The following LIPC variants were observed in gnomAD, a reference collection of about 807,000 sequenced individuals.
The protein encoded by LIPC is lipase C, hepatic type.
Under a neutral mutation model 50.7 loss-of-function variants are expected in LIPC, and 44 were observed. The observed-to-expected ratio is 0.87, with a 90% CI of 0.68 to 1.11. The LOEUF (loss-of-function observed/expected upper bound fraction) is 1.11. LIPC is among the 50% of genes most tolerant of loss of function. The probability of loss-of-function intolerance (pLI) is 0.00; values close to 1 mark genes in which losing one functional copy is unlikely to be tolerated. For missense variants in LIPC, 697 were observed against 648.2 expected (o/e 1.08, Z -0.82); for synonymous variants, 271 against 256.4 (o/e 1.06, Z -0.54).
intron 2 of LIPC, among the ~76,000 whole-genome samples, chr15:58,539,005 C>T (rs1457182492): frequency 1.3e-5 from 2 of 152,140 alleles, no homozygotes; most frequent in Non-Finnish European, 2.9e-5. Context: ...TATATGTAAC[C>T]CAAAAACCGG....
intron 8 of LIPC, among the ~76,000 whole-genome samples, chr15:58,567,796 TGTAA>T (rs1894441976): frequency 6.6e-6 from 1 of 152,146 alleles, no homozygotes; most frequent in Admixed American, 6.5e-5. Context: ...ACTCAATATA[TGTAA>T]ATGCATAGGA....
chr15:58,455,050 A>G (rs1894059015), intron 1 of LIPC: 1 of 152,244 alleles, frequency 6.6e-6, no homozygotes, highest in South Asian at 2.1e-4. Context: ...ATTCAATGAT[A>G]CACCAAAGTG....
intron 1 of LIPC, among the ~76,000 whole-genome samples, chr15:58,457,317 T>C (rs182175192): frequency 1.3e-5 from 2 of 152,268 alleles, no homozygotes; most frequent in East Asian, 3.9e-4. Flanking sequence ...TCCACTTTGG[T>C]CATGCTGGTC....
At chr15:58,530,237 C>T (rs1892916707) in intron 1 of LIPC, among the ~76,000 whole-genome samples, 1 of 152,236 alleles carries the variant, frequency 6.6e-6, no homozygotes, top group Non-Finnish European at 1.5e-5. Flanking sequence ...AACCCTTGGC[C>T]ATCTCCGGCC....
At chr15:58,478,614 G>A (rs1056614000) in intron 1 of LIPC, among the ~76,000 whole-genome samples, 2 of 152,146 alleles carry the variant, frequency 1.3e-5, no homozygotes, top group Non-Finnish European at 2.9e-5. Context: ...TTTCATAGAG[G>A]AGGTAATTAG....
Position 58,563,548 on chromosome 15 carries a change from A to G in LIPC, c.1213A>G (p.Thr405Ala). The G allele has an allele frequency of 6.2e-7, 1 of 1,614,212 alleles. No individual in the cohort carries two copies. The highest frequency in any genetic ancestry group is 1.7e-5 in the Admixed American group (1 of 60,028). Residue 405 changes from threonine to alanine, a missense_variant, in exon 8 of 9, where the codon ACG becomes GCG. Physicochemically the swap from Thr to Ala is moderately conservative, Grantham distance 58 (BLOSUM62 0). Coordinates refer to ENST00000299022, the MANE Select transcript of LIPC (RefSeq NM_000236.3). ...TAATAAAACGTATTCCTTTCTTATC[A>G]CGCTGGATGTGGATATCGGCGAGCT... The part of the protein sequence containing the change: ...ASNKTYSFLI[T>A]LDVDIGELIM...
At chr15:58,505,072 T>C (rs1892102334) in intron 1 of LIPC, among the ~76,000 whole-genome samples, 2 of 152,242 alleles carry the variant, frequency 1.3e-5, no homozygotes, top group Admixed American at 6.5e-5. Context: ...TCCCTTATGC[T>C]AGACAGCACA....
At chr15:58,485,206 C>T (rs111722517) in intron 1 of LIPC, among the ~76,000 whole-genome samples, 4 of 152,006 alleles carry the variant, frequency 2.6e-5, no homozygotes, top group Non-Finnish European at 5.9e-5. Context: ...AGGGAGACCC[C>T]GGGGGAGGCA....
intron 2 of LIPC, among the ~76,000 whole-genome samples, chr15:58,541,517 T>C (rs1198962962): frequency 6.6e-6 from 1 of 151,908 alleles, no homozygotes; most frequent in Non-Finnish European, 1.5e-5. Flanking sequence ...TGGAAAAATC[T>C]GGAGACATTT....
chr15:58,455,307 A>G (rs892615727), intron 1 of LIPC, among the ~76,000 whole-genome samples: 1 of 152,246 alleles, frequency 6.6e-6, no homozygotes, highest in Non-Finnish European at 1.5e-5. Flanking sequence ...GCACAAAAGC[A>G]GCCACAGACA....
intron 5 of LIPC, among the ~76,000 whole-genome samples, chr15:58,547,521 G>A (rs1452518755): frequency 1.3e-5 from 2 of 152,042 alleles, no homozygotes; most frequent in Non-Finnish European, 2.9e-5. Flanking sequence ...ATAGCTTTTG[G>A]CAAAGTCACC....
At chr15:58,518,390 A>C (rs1207113635) in intron 1 of LIPC, among the ~76,000 whole-genome samples, 1 of 152,208 alleles carries the variant, frequency 6.6e-6, no homozygotes, top group Non-Finnish European at 1.5e-5. Flanking sequence ...AACAAAATCA[A>C]AAGAGGAACT....
chr15:58,473,606 C>A (rs1235419209), intron 1 of LIPC: 10 of 152,238 alleles, frequency 6.6e-5, no homozygotes, highest in African/African-American at 2.4e-4. Context: ...TCGGCTGGTT[C>A]AGCTATAGAT....
At chr15:58,567,194 C>G (rs1894392096) in intron 8 of LIPC, among the ~76,000 whole-genome samples, 1 of 120,224 alleles carries the variant, frequency 8.3e-6, no homozygotes, top group South Asian at 2.5e-4. Flanking sequence ...GAGCGAGACT[C>G]CGTCTCAAAA....
chr15:58,559,715 A>AAC (rs5812945), intron 6 of LIPC, among the ~76,000 whole-genome samples: 59,882 of 144,688 alleles, frequency 0.41, 12,971 homozygotes, highest in Middle Eastern at 0.5. Flanking sequence ...AAAAAAAAAA[A>AAC]AAAAAAAAAA....
chr15:58,551,197 G>C (rs547220770), intron 6 of LIPC, among the ~76,000 whole-genome samples: 1 of 152,026 alleles, frequency 6.6e-6, no homozygotes, highest in South Asian at 2.1e-4. Flanking sequence ...AGCCCCTCCA[G>C]TGAGCAAAGT....
At chr15:58,540,264 T>C (rs1893275696) in intron 2 of LIPC, among the ~76,000 whole-genome samples, 1 of 152,240 alleles carries the variant, frequency 6.6e-6, no homozygotes, top group South Asian at 2.1e-4. Context: ...ACCTAGTATA[T>C]GTCTCCTCCT....
At chr15:58,534,295 C>T (rs1479879170) in intron 1 of LIPC, among the ~76,000 whole-genome samples, 1 of 152,150 alleles carries the variant, frequency 6.6e-6, no homozygotes, top group African/African-American at 2.4e-5. Flanking sequence ...AGGGTGGGCA[C>T]AGCAGTGAGT....
At chr15:58,501,703 A>G (rs1314912237) in intron 1 of LIPC, among the ~76,000 whole-genome samples, 3 of 152,142 alleles carry the variant, frequency 2.0e-5, no homozygotes, top group African/African-American at 2.4e-5. Flanking sequence ...AAATCTCTAC[A>G]GAAGCCAATT....
Sources: gnomAD v4.1 joint callset for allele counts (sites outside exome capture counted in the v4.1 genomes callset) on GRCh38, gnomAD v4.1.1 for gene constraint, MANE v1.5 for transcripts, NCBI Gene and HGNC (gene_info 2026-07-23, HGNC 2026-07-21) for gene names.